Variants in ANKRD62 observed in about 807,000 individuals in gnomAD.
ANKRD62 encodes the protein ankyrin repeat domain 62, also known as ankyrin repeat domain-containing protein 62.
Under a neutral mutation model 98.8 loss-of-function variants are expected in ANKRD62, and 61 were observed. That is an observed-to-expected ratio of 0.62 (90% CI 0.50 to 0.76). ANKRD62 has a LOEUF of 0.76. Ranked by LOEUF, ANKRD62 falls within the 30% of genes least tolerant of loss-of-function variation. The pLI, the probability that ANKRD62 is intolerant of heterozygous loss-of-function variation, is 0.00. For missense variants in ANKRD62, 933 were observed against 1,082.9 expected (o/e 0.86, Z 1.94); for synonymous variants, 341 against 367.9 (o/e 0.93, Z 0.84).
At chr18:12,117,139 T>C (rs1466283515) in intron 10 of ANKRD62, among the ~76,000 whole-genome samples, 1 of 152,216 alleles carries the variant, frequency 6.6e-6, no homozygotes, top group African/African-American at 2.4e-5. Flanking sequence ...CTGGTACTAA[T>C]AATACTCACT....
chr18:12,159,869 A>G, the ANKRD62 span, among the ~76,000 whole-genome samples: 3 of 152,186 alleles, frequency 2.0e-5, no homozygotes, highest in Non-Finnish European at 1.5e-5. Context: ...ATAAAACACT[A>G]CATTTTTAGT....
At chr18:12,117,586 A>G (rs971276936) in intron 10 of ANKRD62, among the ~76,000 whole-genome samples, 2 of 152,198 alleles carry the variant, frequency 1.3e-5, no homozygotes, top group Admixed American at 1.3e-4. Context: ...GATACATGTT[A>G]GCTGTAGGTT....
chr18:12,168,743 G>T, the ANKRD62 span, among the ~76,000 whole-genome samples: 1 of 152,134 alleles, frequency 6.6e-6, no homozygotes, highest in East Asian at 1.9e-4. Context: ...CCATTTTCAC[G>T]ATATTGATTC....
Position 12,125,467 on chromosome 18 carries a change from A to G in ANKRD62, c.1646A>G (p.His549Arg), listed in dbSNP as rs1352654054. Reference protein sequence around the residue: ...TVRSNSNQNFHTHERERDLWQ... With the variant: ...TVRSNSNQNFRTHERERDLWQ... Reference sequence around the variant, plus strand: ...TTTCTTTGTTTTATTTAGAATTTTCATACTCATGAAAGAGAAAGAGACCTG... The same window carrying G: ...TTTCTTTGTTTTATTTAGAATTTTCGTACTCATGAAAGAGAAAGAGACCTG... The change falls in exon 13 of 14, where the codon CAT becomes CGT. Residue 549 changes from histidine to arginine, a missense_variant. Around this residue, in one of 3 missense-constraint regions of ANKRD62, gnomAD observed 362 missense variants for 434.5 expected, o/e 0.83. Transcript: ENST00000587848. 4.8e-6 allele frequency: 7 copies of G among 1,453,004 alleles called. No homozygotes were observed. Among genetic ancestry groups the G allele is most frequent in the African/African-American group, 1.4e-5 (1 of 69,980 alleles). 90.0% of individuals were successfully genotyped at this position (1,453,004 alleles called of 1,614,324 possible). A position where few individuals can be genotyped will look rare whatever the true frequency, so the allele number is the denominator to read the frequency against.
intron 11 of ANKRD62, 27 bp downstream of exon 11, chr18:12,122,543 A>G (rs1909803662): frequency 6.8e-7 from 1 of 1,480,964 alleles, no homozygotes; most frequent in Non-Finnish European, 8.9e-7. Flanking sequence ...TTAAAGAAAT[A>G]TTTCAACTAT....
the ANKRD62 span, among the ~76,000 whole-genome samples, chr18:12,181,099 A>C: frequency 6.6e-6 from 1 of 151,568 alleles, no homozygotes; most frequent in East Asian, 1.9e-4. Flanking sequence ...TTCTAAAAAA[A>C]AATTCAAGGA....
At chr18:12,113,849 T>C (rs1388685712) in intron 8 of ANKRD62, among the ~76,000 whole-genome samples, 1 of 152,200 alleles carries the variant, frequency 6.6e-6, no homozygotes, top group Non-Finnish European at 1.5e-5. Flanking sequence ...CATATGTTCA[T>C]TGCAGTACTA....
At chr18:12,104,038 GA>G (rs1909363581) in intron 7 of ANKRD62, among the ~76,000 whole-genome samples, 1 of 151,716 alleles carries the variant, frequency 6.6e-6, no homozygotes, top group African/African-American at 2.4e-5. Context: ...GTAATCTTTG[GA>G]AAAAAACACT....
At chr18:12,107,681 G>A (rs1013328863) in intron 8 of ANKRD62, among the ~76,000 whole-genome samples, 2 of 152,080 alleles carry the variant, frequency 1.3e-5, no homozygotes, top group African/African-American at 2.4e-5. Flanking sequence ...AGACAAATGT[G>A]AAGAAAGACA....
the ANKRD62 span, among the ~76,000 whole-genome samples, chr18:12,141,413 A>G: frequency 3.5e-4 from 53 of 152,034 alleles, no homozygotes; most frequent in African/African-American, 1.1e-3. Flanking sequence ...TGCAAAAATC[A>G]CCCGTCTTCT....
chr18:12,107,480 C>A lies in ANKRD62; in HGVS notation c.1064+13C>A. The A allele has an allele frequency of 6.8e-7, 1 of 1,469,498 alleles. No homozygotes were observed. The highest frequency in any genetic ancestry group is 1.4e-5 in the South Asian group (1 of 71,508). 91.0% of individuals were successfully genotyped at this position (1,469,498 alleles called of 1,614,324 possible). A position where few individuals can be genotyped will look rare whatever the true frequency, so the allele number is the denominator to read the frequency against. On this transcript the variant is annotated intron_variant, in intron 8 of 13. Transcript: ENST00000587848. ...GCGAGTTTGATAGGTAATCCTGTAG[C>A]GATAGTTAACAGCGGATCACTGTTA...
At chr18:12,132,657 C>A (rs1598740613), downstream of ANKRD62, among the ~76,000 whole-genome samples, 1 of 151,996 alleles carries the variant, frequency 6.6e-6, no homozygotes, top group African/African-American at 2.4e-5. Context: ...TCTCTTGTAT[C>A]TCCAGTTTGC....
At chr18:12,174,685 G>T in the ANKRD62 span, among the ~76,000 whole-genome samples, 1 of 152,262 alleles carries the variant, frequency 6.6e-6, no homozygotes, top group East Asian at 1.9e-4. Context: ...TTTTATCCTA[G>T]TTGATGACCT....
the ANKRD62 span, among the ~76,000 whole-genome samples, chr18:12,156,043 T>TTCTCTCTCTCTCTCTTTC: frequency 6.6e-6 from 1 of 151,252 alleles, no homozygotes; most frequent in Non-Finnish European, 1.5e-5. Context: ...TGATACTACC[T>TTCTCTCTCTCTCTCTTTC]TCTCTCTCTC....
the ANKRD62 span, among the ~76,000 whole-genome samples, chr18:12,176,322 G>A: frequency 9.3e-4 from 137 of 147,566 alleles, 1 homozygote; most frequent in African/African-American, 3.2e-3. Flanking sequence ...TCTGTAACAT[G>A]TTTGAGAGTG....
chr18:12,130,204 A>G (rs2143939190), downstream of ANKRD62, among the ~76,000 whole-genome samples: 1 of 152,094 alleles, frequency 6.6e-6, no homozygotes, highest in African/African-American at 2.4e-5. Context: ...AACAAAGGTA[A>G]AAAAATAACA....
intron 1 of ANKRD62, 52 bp downstream of exon 1, chr18:12,094,287 T>C: frequency 1.4e-6 from 2 of 1,432,922 alleles, no homozygotes; most frequent in Non-Finnish European, 9.1e-7. Context: ...GAGAAGCCCC[T>C]GTTCCTGGTT....
the ANKRD62 span, among the ~76,000 whole-genome samples, chr18:12,155,847 T>C: frequency 6.6e-6 from 1 of 152,092 alleles, no homozygotes; most frequent in African/African-American, 2.4e-5. Context: ...AGATAGACAT[T>C]GGGGAGATAG....
rs1327295306 is a variant in ANKRD62 at position 12,114,476 on chromosome 18, G to A, written c.1065-612G>A. On this transcript the variant is annotated intron_variant, in intron 8 of 13. Coordinates refer to ENST00000587848, the MANE Select transcript of ANKRD62 (RefSeq NM_001277333.2). ...CAAAGTTCTTGGGTTTGAATGCTTA[G>A]TCTGCTATTGAACAGTTTTATGTGT... Among the ~76,000 whole-genome samples, 5 of 152,170 alleles carry A rather than the reference G, an allele frequency of 3.3e-5. No homozygotes were observed. In the East Asian group the frequency reaches 9.6e-4, roughly 29 times the overall value.
Sources: allele counts gnomAD v4.1 joint callset (sites outside exome capture counted in the v4.1 genomes callset), GRCh38; gene constraint gnomAD v4.1.1; regional missense constraint gnomAD v4.1.1; transcripts MANE v1.5; gene names NCBI Gene and HGNC (gene_info 2026-07-23, HGNC 2026-07-21).